POM121: variants seen among roughly 807,000 people sequenced by gnomAD.
POM121 encodes nuclear envelope pore membrane protein POM 121.
In POM121, 32 loss-of-function variants were observed where a neutral mutation model predicts 81.3. That is an observed-to-expected ratio of 0.39 (90% CI 0.30 to 0.53). The LOEUF (loss-of-function observed/expected upper bound fraction) is 0.53, where lower values mean the gene tolerates loss of function less well. POM121 is among the 20% of genes least tolerant of loss of function. POM121 has a pLI of 0.66. For synonymous variants in POM121, 514 were observed against 694.2 expected, an observed-to-expected ratio of 0.74 and a Z score of 4.08; for missense variants, 1,138 against 1,614.6, an observed-to-expected ratio of 0.70 and a Z score of 5.06.
intron 3 of POM121, among the ~76,000 whole-genome samples, chr7:72,906,186 G>A (rs554641519): frequency 3.0e-4 from 45 of 152,196 alleles, no homozygotes; most frequent in Non-Finnish European, 5.7e-4. Context: ...ATGGGGTGAG[G>A]CAGAGGAGGA....
intron 1 of POM121, among the ~76,000 whole-genome samples, chr7:72,880,392 C>T (rs1184097362): frequency 7.2e-5 from 11 of 152,134 alleles, no homozygotes; most frequent in Admixed American, 2.0e-4. Context: ...CATAGTAGAA[C>T]CCAGGAGACT....
At chr7:72,904,700 A>G (rs1226120025) in intron 3 of POM121, among the ~76,000 whole-genome samples, 2 of 152,158 alleles carry the variant, frequency 1.3e-5, no homozygotes, top group African/African-American at 4.8e-5. Flanking sequence ...GTTCATTTGG[A>G]GTATTAGTCA....
intron 1 of POM121, among the ~76,000 whole-genome samples, chr7:72,888,675 A>AGTGTGTGTGTGT (rs57062510): frequency 0.011 from 1,633 of 143,156 alleles, 22 homozygotes; most frequent in African/African-American, 0.038. Flanking sequence ...GAGGCATAAG[A>AGTGTGTGTGTGT]GTGTGTGTGT....
Position 72,925,192 on chromosome 7 carries a change from GGGGCCGGGGCTGCGGCGGGCCGGCCA to G in POM121, c.76_101del (p.Arg26GlyfsTer96). On this transcript the variant is annotated frameshift_variant, in exon 1 of 13. Coordinates refer to ENST00000434423, the MANE Select transcript of POM121 (RefSeq NM_001387691.1). LOFTEE classifies it high-confidence loss of function. Reference sequence around the variant, plus strand: ...CCCATAGCGAGTGTCAGGGACGGCCGGGGCCGGGGCTGCGGCGGGCCGGCCAGGGCGGTGCTCCTGGGCCTGTCGCT... The same window carrying G: ...CCCATAGCGAGTGTCAGGGACGGCCGGGGCGGTGCTCCTGGGCCTGTCGCT... 6.7e-7 allele frequency: 1 copy of G among 1,501,154 alleles called. No individual in the cohort carries two copies. The highest frequency in any genetic ancestry group is 8.9e-7 in the Non-Finnish European group (1 of 1,125,616). 93.0% of individuals were successfully genotyped at this position (1,501,154 alleles called of 1,614,324 possible). A position where few individuals can be genotyped will look rare whatever the true frequency, so the allele number is the denominator to read the frequency against.
At chr7:72,922,088 TA>T (rs1173627880), upstream of POM121, among the ~76,000 whole-genome samples, 107 of 152,344 alleles carry the variant, frequency 7.0e-4, no homozygotes, top group African/African-American at 2.4e-3. Context: ...TTCTAGTGTG[TA>T]AATGAGTGCA....
At chr7:72,916,665 A>T (rs1554495124) in intron 4 of POM121, among the ~76,000 whole-genome samples, 2 of 152,194 alleles carry the variant, frequency 1.3e-5, no homozygotes, top group Non-Finnish European at 2.9e-5. Context: ...TTTTGGTTCC[A>T]TATGAAATTT....
At chr7:72,945,526 G>C (rs1417023402) in intron 11 of POM121, 60 bp from the exon 12 acceptor site, 5 of 1,600,772 alleles carry the variant, frequency 3.1e-6, no homozygotes, top group East Asian at 4.5e-5. Context: ...GCTCCTGCCC[G>C]GCTCCTCGCT....
upstream of POM121, among the ~76,000 whole-genome samples, chr7:72,921,765 C>T (rs1324775863): frequency 1.3e-5 from 2 of 152,100 alleles, no homozygotes; most frequent in Non-Finnish European, 2.9e-5. Flanking sequence ...GGAGGACTAA[C>T]CTATAGCTGG....
At chr7:72,883,499 CTCTT>C (rs1462879189) in intron 1 of POM121, among the ~76,000 whole-genome samples, 20 of 152,156 alleles carry the variant, frequency 1.3e-4, no homozygotes, top group African/African-American at 4.8e-4. Context: ...CCATAATACT[CTCTT>C]TCTTAATACA....
chr7:72,945,183 A>C (rs541160114), intron 11 of POM121, among the ~76,000 whole-genome samples: 5 of 152,176 alleles, frequency 3.3e-5, no homozygotes, highest in Non-Finnish European at 7.4e-5. Flanking sequence ...GCATCACAAA[A>C]GACGCGGGAC....
At chr7:72,926,595 A>G (rs1554497548) in intron 2 of POM121, 118 bp downstream of exon 2, 1 of 1,519,204 alleles carries the variant, frequency 6.6e-7, no homozygotes, top group African/African-American at 1.4e-5. Context: ...TTATTTGATG[A>G]GAAATACCAA....
At chr7:72,933,675 A>G (rs569144569) in intron 5 of POM121, among the ~76,000 whole-genome samples, 1 of 152,332 alleles carries the variant, frequency 6.6e-6, no homozygotes, top group East Asian at 1.9e-4. Flanking sequence ...TTGTCCACAT[A>G]AGAGATACAT....
Position 72,900,898 on chromosome 7 carries a change from GT to G in POM121, c.-216+9801del, listed in dbSNP as rs575276581. ...TTAAAATGGAAGCTCAGATTCTTAA[GT>G]TTTTTTTTTTTTATTATTGCTTCTT... On this transcript the variant is annotated intron_variant, in intron 3 of 15. Coordinates refer to the POM121 transcript ENST00000395270. Among the ~76,000 whole-genome samples the G allele has an allele frequency of 2.2e-3, 314 of 143,448 alleles. 4 individuals are homozygous for G. Among genetic ancestry groups the G allele is most frequent in the Admixed American group, 5.9e-3 (85 of 14,318 alleles). 94.1% of individuals were successfully genotyped at this position (143,448 alleles called of 152,430 possible). A position where few individuals can be genotyped will look rare whatever the true frequency, so the allele number is the denominator to read the frequency against.
At chr7:72,888,675 A>AGTGTGTGTGTGTGTGT (rs57062510) in intron 1 of POM121, among the ~76,000 whole-genome samples, 3,181 of 143,370 alleles carry the variant, frequency 0.022, 92 homozygotes, top group African/African-American at 0.074. Context: ...GAGGCATAAG[A>AGTGTGTGTGTGTGTGT]GTGTGTGTGT....
rs554687725 is a variant in POM121 at position 72,943,269 on chromosome 7, A to G, written c.3276A>G (p.Thr1092=). The change falls in exon 11 of 13, where the codon ACA becomes ACG. Residue 1092 remains threonine (T), a synonymous_variant. Transcript: ENST00000434423. ...GCAGCAGCTCGGTGTTTGGCAGCAC[A>G]ACACCATCACCCTTCACGTTTGGGG... ...SGSSSSVFGS[T]TPSPFTFGGS... 11 of 1,610,292 alleles carry G rather than the reference A, an allele frequency of 6.8e-6. No individual in the cohort carries two copies. The highest frequency in any genetic ancestry group is 2.7e-5 in the African/African-American group (2 of 74,912).
chr7:72,897,818 C>A (rs531543261), intron 3 of POM121, among the ~76,000 whole-genome samples: 1 of 152,160 alleles, frequency 6.6e-6, no homozygotes, highest in African/African-American at 2.4e-5. Context: ...CCCAGGAGTT[C>A]AAGGCTAGCC....
At chr7:72,948,403 CT>C, downstream of POM121, 1 of 1,613,352 alleles carries the variant, frequency 6.2e-7, no homozygotes, top group East Asian at 2.2e-5. Context: ...AAACTGCTGC[CT>C]GCGGTGAGGG....
intron 3 of POM121, among the ~76,000 whole-genome samples, chr7:72,901,189 G>A (rs1554492598): frequency 6.7e-6 from 1 of 150,174 alleles, no homozygotes; most frequent in Non-Finnish European, 1.5e-5. Context: ...TAATTGAGGT[G>A]AAAGTCACGC....
At chr7:72,908,156 T>A (rs1793451883) in intron 3 of POM121, among the ~76,000 whole-genome samples, 2 of 152,248 alleles carry the variant, frequency 1.3e-5, no homozygotes, top group African/African-American at 4.8e-5. Context: ...TTCAATGATG[T>A]CGGGGGAACC....
Sources: gnomAD v4.1 joint callset for allele counts (sites outside exome capture counted in the v4.1 genomes callset) on GRCh38, gnomAD v4.1.1 for gene constraint, MANE v1.5 for transcripts, NCBI Gene and HGNC (gene_info 2026-07-23, HGNC 2026-07-21) for gene names.